Variants in MTUS2 observed in about 807,000 individuals in gnomAD.
The protein encoded by MTUS2 is microtubule associated scaffold protein 2.
Under a neutral mutation model 114.1 loss-of-function variants are expected in MTUS2, and 40 were observed. The ratio of observed to expected loss-of-function variants is 0.35; its 90% CI spans 0.27 to 0.46. The LOEUF (loss-of-function observed/expected upper bound fraction) is 0.46. Among genes scored for constraint, MTUS2 ranks in the 20% least tolerant of loss-of-function variants. The pLI, the probability that MTUS2 is intolerant of heterozygous loss-of-function variation, is 1.00. For missense variants in MTUS2, 1,679 were observed against 1,705.4 expected (o/e 0.98, Z 0.27); for synonymous variants, 688 against 672.0 (o/e 1.02, Z -0.37).
intron 13 of MTUS2, 56 bp downstream of exon 13, chr13:29,497,392 G>T: frequency 2.7e-6 from 4 of 1,473,502 alleles, no homozygotes; most frequent in East Asian, 2.4e-5. Flanking sequence ...CAGCAAGGCC[G>T]AGGGACTCCC....
chr13:28,844,989 C>T (rs1409688340), intron 2 of MTUS2, among the ~76,000 whole-genome samples: 2 of 152,048 alleles, frequency 1.3e-5, no homozygotes, highest in Non-Finnish European at 2.9e-5. Flanking sequence ...AGGATTTCAC[C>T]TTATCACCCA....
chr13:29,371,121 G>A (rs1269132709), intron 8 of MTUS2, among the ~76,000 whole-genome samples: 2 of 152,122 alleles, frequency 1.3e-5, no homozygotes, highest in Non-Finnish European at 2.9e-5. Flanking sequence ...CCAGGATTTA[G>A]AGGAAAAATA....
chr13:29,101,474 G>T (rs951200305), intron 5 of MTUS2, among the ~76,000 whole-genome samples: 2 of 152,206 alleles, frequency 1.3e-5, no homozygotes, highest in African/African-American at 4.8e-5. Flanking sequence ...TGCCCAGGAA[G>T]ATCTCCATTA....
At chr13:28,911,469 C>T (rs938195098) in intron 2 of MTUS2, among the ~76,000 whole-genome samples, 12 of 152,128 alleles carry the variant, frequency 7.9e-5, no homozygotes, top group Non-Finnish European at 7.4e-5. Context: ...CCACCTTGCC[C>T]GGTCATATTT....
chr13:29,457,751 C>T (rs537311699), intron 9 of MTUS2, among the ~76,000 whole-genome samples: 1 of 152,214 alleles, frequency 6.6e-6, no homozygotes, highest in Admixed American at 6.5e-5. Flanking sequence ...TACCATTTTG[C>T]ACCCTCCCCA....
chr13:29,411,028 C>T (rs969036271), intron 8 of MTUS2, among the ~76,000 whole-genome samples: 9 of 152,134 alleles, frequency 5.9e-5, no homozygotes, highest in African/African-American at 1.2e-4. Flanking sequence ...GGTGGGGTTT[C>T]GCCATGTTGG....
chr13:29,185,586 T>TC (rs1287763524), intron 5 of MTUS2, among the ~76,000 whole-genome samples: 4 of 151,718 alleles, frequency 2.6e-5, no homozygotes, highest in South Asian at 2.1e-4. Context: ...AGCTGATTTC[T>TC]CCCCCCCAAA....
At chr13:28,922,257 C>CT (rs1881083366) in intron 2 of MTUS2, among the ~76,000 whole-genome samples, 1 of 152,192 alleles carries the variant, frequency 6.6e-6, no homozygotes, top group Admixed American at 6.5e-5. Context: ...GCCTGTGGAA[C>CT]TGTGAGTCAA....
intron 4 of MTUS2, among the ~76,000 whole-genome samples, chr13:29,048,031 A>G (rs1887716774): frequency 6.6e-6 from 1 of 152,198 alleles, no homozygotes. Flanking sequence ...TGGATTTAAA[A>G]CAATTTGTTT....
chr13:29,489,343 A>G (rs543891470), intron 11 of MTUS2, among the ~76,000 whole-genome samples: 151 of 152,364 alleles, frequency 9.9e-4, no homozygotes, highest in Non-Finnish European at 1.6e-3. Context: ...AATTAGCATC[A>G]GAGTTTTTAT....
At chr13:29,497,144 G>A in intron 12 of MTUS2, 94 bp from the exon 13 acceptor site, 1 of 1,088,132 alleles carries the variant, frequency 9.2e-7, no homozygotes, top group Non-Finnish European at 1.4e-6. Flanking sequence ...GGATGCCCAG[G>A]GCACAGTGGT....
Position 29,025,622 on chromosome 13 carries a change from C to T in MTUS2, c.924C>T (p.Ala308=). 1 of 1,613,994 alleles carries T rather than the reference C, an allele frequency of 6.2e-7. No homozygotes were observed. The highest frequency in any genetic ancestry group is 1.6e-4 in the Middle Eastern group (1 of 6,062). ...EAQLGQGKGE[A]KLDLKYVPPR... is the part of the protein sequence containing the mutation. ...AATTAGGTCAGGGAAAGGGAGAGGC[C>T]AAGCTGGATCTGAAATATGTTCCTC... is the stretch of plus-strand genomic sequence containing the variant. The change falls in exon 3 of 16, where the codon GCC becomes GCT. Residue 308 remains alanine (A), a synonymous_variant. Transcript: ENST00000612955.
chr13:29,316,020 A>G (rs1020498032), intron 6 of MTUS2, among the ~76,000 whole-genome samples: 1 of 152,138 alleles, frequency 6.6e-6, no homozygotes, highest in Admixed American at 6.6e-5. Context: ...GGCATGCTGG[A>G]TGAGTCATGC....
intron 9 of MTUS2, among the ~76,000 whole-genome samples, chr13:29,447,610 ATTTT>A (rs549056364): frequency 8.9e-6 from 1 of 112,194 alleles, no homozygotes. Context: ...TGTTGTCTCC[ATTTT>A]TTTTTTTTTT....
intron 2 of MTUS2, among the ~76,000 whole-genome samples, chr13:28,861,665 G>A (rs1157826591): frequency 1.3e-5 from 2 of 151,992 alleles, no homozygotes; most frequent in African/African-American, 2.4e-5. Context: ...TGTTTTTACC[G>A]AGCCTACAAC....
chr13:29,250,743 A>T (rs146163610), intron 5 of MTUS2, among the ~76,000 whole-genome samples: 2 of 152,320 alleles, frequency 1.3e-5, no homozygotes, highest in Non-Finnish European at 2.9e-5. Flanking sequence ...CTAGTCTCTC[A>T]GGATAAACTG....
intron 4 of MTUS2, among the ~76,000 whole-genome samples, chr13:29,088,058 C>CAAAAAA (rs57654117): frequency 1.5e-5 from 2 of 135,544 alleles, no homozygotes; most frequent in African/African-American, 5.9e-5. Context: ...GACTCCGTCT[C>CAAAAAA]AAAAAAAAAA....
At chr13:28,891,683 C>T (rs530172161) in intron 2 of MTUS2, among the ~76,000 whole-genome samples, 213 of 151,756 alleles carry the variant, frequency 1.4e-3, no homozygotes, top group African/African-American at 4.4e-3. Flanking sequence ...GTGGAGACTA[C>T]CCTGACCAAC....
chr13:29,299,144 T>C (rs1009034616), intron 6 of MTUS2, among the ~76,000 whole-genome samples: 1 of 152,018 alleles, frequency 6.6e-6, no homozygotes, highest in Non-Finnish European at 1.5e-5. Context: ...GACAGGAAAA[T>C]ATAATGGAGA....
Sources: gnomAD v4.1 joint callset for allele counts (sites outside exome capture counted in the v4.1 genomes callset) on GRCh38, gnomAD v4.1.1 for gene constraint, MANE v1.5 for transcripts, NCBI Gene and HGNC (gene_info 2026-07-23, HGNC 2026-07-21) for gene names.